DHRSX: variants seen among roughly 807,000 people sequenced by gnomAD.
DHRSX encodes the protein polyprenol dehydrogenase.
In DHRSX, 31 loss-of-function variants were observed where a neutral mutation model predicts 34.0. That is an observed-to-expected ratio of 0.91 (90% CI 0.69 to 1.23). The LOEUF is 1.23. DHRSX is among the 50% of genes most tolerant of loss of function. The pLI, the probability that DHRSX is intolerant of heterozygous loss-of-function variation, is 0.00. For synonymous variants in DHRSX, 201 were observed against 183.8 expected (o/e 1.09, Z -0.76); for missense variants, 414 against 428.1 (o/e 0.97, Z 0.29).
At chrX:2,460,458 C>G (rs1244766204) in intron 1 of DHRSX, among the ~76,000 whole-genome samples, 1 of 152,164 alleles carries the variant, frequency 6.6e-6, no homozygotes, top group Non-Finnish European at 1.5e-5. Context: ...CAGGCTATTG[C>G]CCAGCCTGGA....
intron 5 of DHRSX, among the ~76,000 whole-genome samples, chrX:2,263,286 T>C (rs67513108): frequency 0.26 from 39,856 of 151,872 alleles, 7,014 homozygotes; most frequent in African/African-American, 0.48. Context: ...GAGGTCACGA[T>C]GGGGGAGACT....
At chrX:2,308,800 C>A (rs1157297960) in intron 3 of DHRSX, among the ~76,000 whole-genome samples, 1 of 125,054 alleles carries the variant, frequency 8.0e-6, no homozygotes, top group Admixed American at 9.4e-5. Flanking sequence ...GGGAGGGAAG[C>A]AAGAATGAAT....
intron 3 of DHRSX, among the ~76,000 whole-genome samples, chrX:2,376,981 C>G (rs756781181): frequency 3.5e-5 from 5 of 142,574 alleles, no homozygotes; most frequent in African/African-American, 1.3e-4. Context: ...GTGACAAGAG[C>G]AAAAACTCTA....
At chrX:2,269,024 T>C (rs1195455891) in intron 4 of DHRSX, among the ~76,000 whole-genome samples, 2 of 152,274 alleles carry the variant, frequency 1.3e-5, no homozygotes, top group African/African-American at 2.4e-5. Context: ...TGGAGCTATA[T>C]TGATATTTGT....
At chrX:2,264,317 C>A (rs36108745) in intron 5 of DHRSX, among the ~76,000 whole-genome samples, 1 of 144,120 alleles carries the variant, frequency 6.9e-6, no homozygotes, top group Admixed American at 6.8e-5. Flanking sequence ...TCAGGGAGCA[C>A]CGTGCCCAGA....
rs112253934 is a variant in DHRSX at position 2,232,332 on chromosome X, A to AAAC, written c.804+10688_804+10690dup. Among the ~76,000 whole-genome samples the AAAC allele has an allele frequency of 1.7e-4, 26 of 151,444 alleles. No individual in the cohort carries two copies. In the East Asian group the frequency reaches 2.0e-3, roughly 11 times the overall value. ...ATGAACTTGTATCCACTTGTTTTGA[A>AAAC]AACAACAACAACTAAAGCAACAGAA... On this transcript the variant is annotated intron_variant, in intron 6 of 6. Coordinates refer to ENST00000334651, the MANE Select transcript of DHRSX (RefSeq NM_145177.3).
intron 3 of DHRSX, among the ~76,000 whole-genome samples, chrX:2,339,121 G>C (rs1340661807): frequency 6.6e-6 from 1 of 151,834 alleles, no homozygotes; most frequent in Admixed American, 6.6e-5. Flanking sequence ...GGCAGTATCT[G>C]GTTATATAAG....
chrX:2,481,909 G>C (rs1214121741), intron 1 of DHRSX, among the ~76,000 whole-genome samples: 1 of 152,116 alleles, frequency 6.6e-6, no homozygotes, highest in East Asian at 1.9e-4. Flanking sequence ...AGCCCAGCTG[G>C]GAAGAAATGG....
intron 1 of DHRSX, among the ~76,000 whole-genome samples, chrX:2,442,285 G>C (rs1250573971): frequency 6.6e-6 from 1 of 151,528 alleles, no homozygotes; most frequent in African/African-American, 2.4e-5. Flanking sequence ...GGAGGAGGAG[G>C]AGGAACAAAA....
chrX:2,362,517 C>T (rs1201769749), intron 3 of DHRSX, among the ~76,000 whole-genome samples: 1 of 152,134 alleles, frequency 6.6e-6, no homozygotes, highest in African/African-American at 2.4e-5. Flanking sequence ...GCCAGACTGG[C>T]CTCGAAATCC....
intron 3 of DHRSX, among the ~76,000 whole-genome samples, chrX:2,407,139 T>C (rs1226084400): frequency 1.3e-5 from 2 of 152,168 alleles, no homozygotes; most frequent in Non-Finnish European, 2.9e-5. Context: ...CTGGAGGCCA[T>C]TACCCTAAGG....
intron 6 of DHRSX, among the ~76,000 whole-genome samples, chrX:2,232,091 C>T (rs1259513634): frequency 4.1e-5 from 6 of 147,940 alleles, no homozygotes; most frequent in African/African-American, 1.5e-4. Context: ...TCCTTTTCCT[C>T]ATCTTCCTTT....
At chrX:2,274,833 G>A (rs1176152068) in intron 4 of DHRSX, among the ~76,000 whole-genome samples, 3 of 152,294 alleles carry the variant, frequency 2.0e-5, no homozygotes, top group African/African-American at 7.2e-5. Flanking sequence ...ATATTCTGAA[G>A]GAGAAATTGT....
intron 1 of DHRSX, among the ~76,000 whole-genome samples, chrX:2,477,896 C>T (rs2044705535): frequency 6.6e-6 from 1 of 151,840 alleles, no homozygotes; most frequent in East Asian, 1.9e-4. Context: ...GCAGCCAGGA[C>T]ACAAGCCCCT....
intron 4 of DHRSX, among the ~76,000 whole-genome samples, chrX:2,283,034 AAGG>A (rs2041749122): frequency 6.6e-6 from 1 of 150,914 alleles, no homozygotes; most frequent in Non-Finnish European, 1.5e-5. Context: ...AGACGGGGAG[AAGG>A]AGGAGAGAGA....
chrX:2,364,585 AC>A, intron 3 of DHRSX, among the ~76,000 whole-genome samples: 1 of 152,096 alleles, frequency 6.6e-6, no homozygotes, highest in African/African-American at 2.4e-5. Context: ...CTACTTATCT[AC>A]CGTCTATCAT....
chrX:2,297,464 G>A (rs1384385840), intron 3 of DHRSX, among the ~76,000 whole-genome samples: 3 of 151,978 alleles, frequency 2.0e-5, no homozygotes, highest in African/African-American at 4.8e-5. Context: ...GCTAAATGAC[G>A]GTATCCTCCA....
intron 1 of DHRSX, among the ~76,000 whole-genome samples, chrX:2,465,824 A>G (rs767422506): frequency 9.5e-6 from 1 of 105,586 alleles, no homozygotes; most frequent in Non-Finnish European, 1.9e-5. Flanking sequence ...AAAAAAAAAA[A>G]AAGAGAAAAG....
At chrX:2,486,843 C>T (rs1354572635) in intron 1 of DHRSX, 2 of 152,216 alleles carry the variant, frequency 1.3e-5, no homozygotes, top group Non-Finnish European at 2.9e-5. Context: ...CTTAAACCGG[C>T]TCAGGACGTA....
Sources: allele counts gnomAD v4.1 joint callset (sites outside exome capture counted in the v4.1 genomes callset), GRCh38; gene constraint gnomAD v4.1.1; transcripts MANE v1.5; gene names NCBI Gene and HGNC (gene_info 2026-07-23, HGNC 2026-07-21).